Variants in ATP2B1 observed in about 807,000 individuals in gnomAD.
The protein encoded by ATP2B1 is plasma membrane calcium-transporting ATPase 1.
In ATP2B1, 14 loss-of-function variants were observed where a neutral mutation model predicts 124.2. The observed-to-expected ratio is 0.11, with a 90% CI of 0.07 to 0.18. The LOEUF (loss-of-function observed/expected upper bound fraction) is 0.18, where lower values mean the gene tolerates loss of function less well. ATP2B1 is among the 10% of genes least tolerant of loss of function. ATP2B1 has a pLI of 1.00. For missense variants in ATP2B1, 763 were observed against 1,466.1 expected (o/e 0.52, Z 7.83); for synonymous variants, 449 against 492.4 (o/e 0.91, Z 1.17).
Position 89,610,759 on chromosome 12 carries a change from A to T in ATP2B1, c.2248-251T>A, listed in dbSNP as rs1300376718. The T allele has an allele frequency of 6.9e-6, 3 of 433,420 alleles. No homozygotes were observed. The East Asian group carries it at 1.2e-4, about 17-fold the overall frequency. 26.8% of individuals were successfully genotyped at this position (433,420 alleles called of 1,614,324 possible). ...ACTTTGATGCATACTCAAGTTTAAA[A>T]GCCACTGTTTTTATATATCATTATG... On this transcript the variant is annotated intron_variant, in intron 13 of 20. Transcript: ENST00000428670.
At chr12:89,635,343 T>C (rs1882528917) in intron 3 of ATP2B1, 92 bp from the exon 4 acceptor site, 9 of 1,392,924 alleles carry the variant, frequency 6.5e-6, no homozygotes, top group Admixed American at 2.3e-5. Flanking sequence ...TTGTGTTAAT[T>C]ATGTTTATCA....
intron 12 of ATP2B1, among the ~76,000 whole-genome samples, chr12:89,613,383 T>C (rs1401100620): frequency 6.6e-6 from 1 of 152,222 alleles, no homozygotes; most frequent in African/African-American, 2.4e-5. Flanking sequence ...GTTATTTCCC[T>C]CTACCCAGTC....
intron 1 of ATP2B1, among the ~76,000 whole-genome samples, chr12:89,678,403 A>C (rs1888936892): frequency 6.6e-6 from 1 of 152,104 alleles, no homozygotes; most frequent in African/African-American, 2.4e-5. Flanking sequence ...GAGCCTGCAA[A>C]CTAAGCTTTA....
intron 1 of ATP2B1, among the ~76,000 whole-genome samples, chr12:89,658,739 G>A (rs369940247): frequency 6.6e-5 from 10 of 151,686 alleles, no homozygotes; most frequent in East Asian, 3.9e-4. Context: ...GATCTTTTCC[G>A]TAATCTGTCA....
At position 89,684,289 on chromosome 12, in the gene ATP2B1, C is replaced by G. The variant is rs549423581; in HGVS notation, c.-222+24307G>C. On this transcript the variant is annotated intron_variant, in intron 1 of 20. Coordinates refer to ENST00000428670, the MANE Select transcript of ATP2B1 (RefSeq NM_001366521.1). ...GAACTTTTATAAGCACATTAATGTT[C>G]TACATATTCAAAATGTAAAATTGAA... is the stretch of plus-strand genomic sequence containing the variant. Among the ~76,000 whole-genome samples, 4 of 152,234 alleles carry G rather than the reference C, an allele frequency of 2.6e-5. No individual in the cohort carries two copies. In the South Asian group the frequency reaches 6.2e-4, roughly 24 times the overall value.
At position 89,601,477 on chromosome 12, in the gene ATP2B1, TAAAATTC is replaced by T. The variant is rs746609465; in HGVS notation, c.3061-51_3061-45del. ...GTAAATTTACTTAAATCTTAAATTT[TAAAATTC>T]ATATACTTAAAAAAATATCAAATTT... On this transcript the variant is annotated intron_variant, in intron 18 of 20. Transcript: ENST00000428670. 29 of 1,220,752 alleles carry T rather than the reference TAAAATTC, an allele frequency of 2.4e-5. No homozygotes were observed. The South Asian group carries it at 4.2e-4, about 18-fold the overall frequency. The allele number at this position is 1,220,752 out of a possible 1,614,324, so 75.6% of individuals were successfully genotyped here.
rs1293475698 is a variant in ATP2B1, at chr12:89,589,370, G to A, written c.*1614C>T. ...AAAAAAGAGAAGAAGGTAGATGAAG[G>A]AAAGAAAAAGAGAGCTAAAGAATCC... On this transcript the variant is annotated 3_prime_UTR_variant, in exon 21 of 21. Transcript: ENST00000428670. 1 of 152,386 alleles carries A rather than the reference G, an allele frequency of 6.6e-6. No homozygotes were observed. The highest frequency in any genetic ancestry group is 6.6e-5 in the Admixed American group (1 of 15,248). The allele number at this position is 152,386 out of a possible 1,614,324, so 9.4% of individuals were successfully genotyped here. A position where few individuals can be genotyped will look rare whatever the true frequency, so the allele number is the denominator to read the frequency against.
rs11105349 is a variant in ATP2B1 at position 89,627,897 on chromosome 12, C to T, written c.929-181G>A. ...TCAATCACTCCCTAAGTCTTACCTA[C>T]GGGAGAATACCGCAAAATAATTTAG... On this transcript the variant is annotated intron_variant, in intron 6 of 20. Coordinates refer to ENST00000428670, the MANE Select transcript of ATP2B1 (RefSeq NM_001366521.1). Among the ~76,000 whole-genome samples, 82 of 152,270 alleles carry T rather than the reference C, an allele frequency of 5.4e-4. No homozygotes were observed. In the East Asian group the frequency reaches 0.014, roughly 25 times the overall value.
At chr12:89,611,480 A>G in intron 12 of ATP2B1, 108 bp from the exon 13 acceptor site, 2 of 827,510 alleles carry the variant, frequency 2.4e-6, no homozygotes, top group Non-Finnish European at 3.5e-6. Flanking sequence ...AAATGATGAC[A>G]ATGATACAAT....
rs1036357635 is a variant in ATP2B1 at position 89,649,153 on chromosome 12, C to G, written c.208+6526G>C. 3.2e-4 allele frequency among the ~76,000 whole-genome samples: 48 copies of G among 152,362 alleles called. 1 individual carries two copies. Among genetic ancestry groups the G allele is most frequent in the Admixed American group, 1.3e-3 (20 of 15,312 alleles). Reference sequence around the variant, plus strand: ...GGTTGGAGCACCCACAAAGTCCCCCCACTAGGGCACTGCTTAGTGGAGCTG... The same window carrying G: ...GGTTGGAGCACCCACAAAGTCCCCCGACTAGGGCACTGCTTAGTGGAGCTG... On this transcript the variant is annotated intron_variant, in intron 2 of 20. Coordinates refer to ENST00000428670, the MANE Select transcript of ATP2B1 (RefSeq NM_001366521.1).
rs761130320 is a variant in ATP2B1 at position 89,630,485 on chromosome 12, T to C, written c.928+20A>G. The C allele has an allele frequency of 1.3e-5, 19 of 1,517,792 alleles. No homozygotes were observed. The African/African-American group carries it at 1.4e-4, about 11-fold the overall frequency. 94.0% of individuals were successfully genotyped at this position (1,517,792 alleles called of 1,614,324 possible). ...TTGCCCTATTTCCAAATACCAATTA[T>C]AGAAAATTGTTATTCTTACTTTTCT... On this transcript the variant is annotated intron_variant, in intron 6 of 20. Coordinates refer to ENST00000428670, the MANE Select transcript of ATP2B1 (RefSeq NM_001366521.1).
intron 12 of ATP2B1, among the ~76,000 whole-genome samples, chr12:89,614,106 A>G (rs899684839): frequency 4.6e-5 from 7 of 152,216 alleles, no homozygotes; most frequent in African/African-American, 1.7e-4. Flanking sequence ...GATGTCTTCC[A>G]AAGAATGAAA....
At chr12:89,601,503 C>G in intron 18 of ATP2B1, 70 bp from the exon 19 acceptor site, 2 of 917,154 alleles carry the variant, frequency 2.2e-6, no homozygotes, top group Non-Finnish European at 3.2e-6. Context: ...AAAAAAATAT[C>G]AAATTTATGT....
intron 1 of ATP2B1, among the ~76,000 whole-genome samples, chr12:89,704,029 T>A (rs1312630809): frequency 6.6e-6 from 1 of 152,212 alleles, no homozygotes; most frequent in African/African-American, 2.4e-5. Flanking sequence ...GTGAGATTTA[T>A]AACCAGGTTT....
intron 15 of ATP2B1, among the ~76,000 whole-genome samples, chr12:89,607,018 A>G (rs567965829): frequency 2.6e-5 from 4 of 152,200 alleles, no homozygotes; most frequent in Admixed American, 6.5e-5. Context: ...GTTAATTGGT[A>G]TTCAAATAAA....
chr12:89,658,211 G>C (rs1047019986), intron 1 of ATP2B1, among the ~76,000 whole-genome samples: 9 of 152,076 alleles, frequency 5.9e-5, no homozygotes, highest in Non-Finnish European at 1.2e-4. Context: ...CCGTCCTCTG[G>C]TTTCCACAAA....
Position 89,589,009 on chromosome 12 carries a change from C to T in ATP2B1, c.*1975G>A, listed in dbSNP as rs1045538193. 7.9e-5 allele frequency: 12 copies of T among 152,544 alleles called. No homozygotes were observed. The highest frequency in any genetic ancestry group is 2.4e-4 in the African/African-American group (10 of 41,428). 9.4% of individuals were successfully genotyped at this position (152,544 alleles called of 1,614,324 possible). A position where few individuals can be genotyped will look rare whatever the true frequency, so the allele number is the denominator to read the frequency against. On this transcript the variant is annotated 3_prime_UTR_variant, in exon 21 of 21. Transcript: ENST00000428670. ...CAAGACTAGAAACCAGGTCTTGACT[C>T]CTAGTCTAATATGCTTTCCAGCATA... is the stretch of plus-strand genomic sequence containing the variant.
At chr12:89,694,458 G>T (rs529177782) in intron 1 of ATP2B1, among the ~76,000 whole-genome samples, 1 of 152,250 alleles carries the variant, frequency 6.6e-6, no homozygotes, top group African/African-American at 2.4e-5. Context: ...TGCTTATGGG[G>T]GGGTTACCTG....
chr12:89,668,697 G>C (rs779455607), intron 1 of ATP2B1, among the ~76,000 whole-genome samples: 1 of 152,122 alleles, frequency 6.6e-6, no homozygotes, highest in Admixed American at 6.5e-5. Flanking sequence ...CCCTTCTCAC[G>C]AGGTTTTCAA....
Sources: gnomAD v4.1 joint callset for allele counts (sites outside exome capture counted in the v4.1 genomes callset) on GRCh38, gnomAD v4.1.1 for gene constraint, MANE v1.5 for transcripts, NCBI Gene and HGNC (gene_info 2026-07-23, HGNC 2026-07-21) for gene names.